The following DSG3 variants were observed in gnomAD, a reference collection of about 807,000 sequenced individuals.
The protein encoded by DSG3 is desmoglein 3, also known as desmoglein-3.
In DSG3, 63 loss-of-function variants were observed where a neutral mutation model predicts 85.9. That is an observed-to-expected ratio of 0.73 (90% CI 0.60 to 0.90). The LOEUF is 0.90. Among genes scored for constraint, DSG3 ranks in the 40% least tolerant of loss-of-function variants. The probability of loss-of-function intolerance (pLI) is 0.00; values close to 1 mark genes in which losing one functional copy is unlikely to be tolerated. For missense variants in DSG3, 1,220 were observed against 1,219.9 expected (o/e 1.00, Z 0.00); for synonymous variants, 447 against 441.9 (o/e 1.01, Z -0.14).
intron 8 of DSG3, 34 bp downstream of exon 8, chr18:31,461,446 A>AG: frequency 6.5e-7 from 1 of 1,537,408 alleles, no homozygotes; most frequent in Non-Finnish European, 8.9e-7. Context: ...GGTAAAAAAA[A>AG]TTCTGTATTA....
At chr18:31,450,781 T>C (rs1247323830) in intron 1 of DSG3, among the ~76,000 whole-genome samples, 1 of 152,198 alleles carries the variant, frequency 6.6e-6, no homozygotes, top group Non-Finnish European at 1.5e-5. Context: ...CAGCAATGCA[T>C]GCAAAACAAT....
chr18:31,458,947 T>C, intron 4 of DSG3, 86 bp from the exon 5 acceptor site: 2 of 1,472,190 alleles, frequency 1.4e-6, no homozygotes, highest in South Asian at 2.5e-5. Flanking sequence ...GTGATGTCCA[T>C]GCCAACAGAG....
chr18:31,457,609 T>C (rs1256308329), intron 3 of DSG3, among the ~76,000 whole-genome samples: 1 of 108,828 alleles, frequency 9.2e-6, no homozygotes, highest in Non-Finnish European at 1.9e-5. Context: ...TCTTTCTTTC[T>C]TTCTTTCTTT....
intron 11 of DSG3, 132 bp downstream of exon 11, chr18:31,466,886 G>A (rs1432730027): frequency 1.6e-5 from 11 of 696,272 alleles, no homozygotes; most frequent in East Asian, 2.7e-5. Context: ...AGATGTGGCT[G>A]TAGCATTGTG....
chr18:31,475,278 A>G (rs1043985877), intron 15 of DSG3, among the ~76,000 whole-genome samples: 2 of 152,152 alleles, frequency 1.3e-5, no homozygotes, highest in Non-Finnish European at 2.9e-5. Flanking sequence ...CTAGTATCCA[A>G]GCAGACAAAG....
In DSG3 at chr18:31,477,224, T is replaced by C. The variant is rs1046110404; in HGVS notation, c.*964T>C. 1.3e-5 allele frequency: 2 copies of C among 152,212 alleles called. No homozygotes were observed. The highest frequency in any genetic ancestry group is 2.9e-5 in the Non-Finnish European group (2 of 68,034). 9.4% of individuals were successfully genotyped at this position (152,212 alleles called of 1,614,324 possible). A position where few individuals can be genotyped will look rare whatever the true frequency, so the allele number is the denominator to read the frequency against. ...AAGAAAGTTTAGTATAAATAATATT[T>C]TGTGTGTTTTAATCCCTTTGAAGGG... On this transcript the variant is annotated 3_prime_UTR_variant, in exon 16 of 16. Coordinates refer to ENST00000257189, the MANE Select transcript of DSG3 (RefSeq NM_001944.3).
intron 11 of DSG3, among the ~76,000 whole-genome samples, chr18:31,468,367 C>T (rs1445355695): frequency 6.6e-6 from 1 of 152,132 alleles, no homozygotes; most frequent in African/African-American, 2.4e-5. Flanking sequence ...CACACAAGTC[C>T]AAGGATTGGT....
chr18:31,469,272 G>A lies in DSG3; in HGVS notation c.1820G>A (p.Arg607Lys), dbSNP rs1476717664. ...TACCCAACCACAAGCCCTGGGACCA[G>A]GTATGGCAGGCCGCACTCAGGGAGG... The part of the protein sequence containing the change: ...TSYPTTSPGT[R>K]YGRPHSGRLG... The change falls in exon 12 of 16, where the codon AGG becomes AAG. Residue 607 changes from arginine to lysine, a missense_variant. Transcript: ENST00000257189. 1.9e-6 allele frequency: 3 copies of A among 1,614,134 alleles called. No homozygotes were observed. The highest frequency in any genetic ancestry group is 2.7e-5 in the African/African-American group (2 of 75,046).
At chr18:31,466,133 A>G (rs1160496592) in intron 10 of DSG3, among the ~76,000 whole-genome samples, 2 of 152,188 alleles carry the variant, frequency 1.3e-5, no homozygotes, top group Non-Finnish European at 2.9e-5. Flanking sequence ...TAATAAAAAT[A>G]TACAATTTTT....
intron 14 of DSG3, among the ~76,000 whole-genome samples, chr18:31,473,206 A>G (rs1241479849): frequency 6.6e-6 from 1 of 152,204 alleles, no homozygotes; most frequent in Non-Finnish European, 1.5e-5. Flanking sequence ...TTAAAGTCTC[A>G]TGTGCACATC....
Position 31,472,729 on chromosome 18 carries a change from T to A in DSG3, c.2042T>A (p.Ile681Asn). ...IEGAHPEDKE[I>N]TNICVPPVTA... is the part of the protein sequence containing the mutation. ...TATTTTTCACATGGTTTGCAGGAAA[T>A]CACAAATATTTGTGTGCCTCCTGTA... The change falls in exon 14 of 16, where the codon ATC becomes AAC. Residue 681 changes from isoleucine (I) to asparagine (N), a missense_variant. Coordinates refer to ENST00000257189, the MANE Select transcript of DSG3 (RefSeq NM_001944.3). 1 of 1,613,900 alleles carries A rather than the reference T, an allele frequency of 6.2e-7. No homozygotes were observed. Among genetic ancestry groups the A allele is most frequent in the Non-Finnish European group, 8.5e-7 (1 of 1,179,862 alleles).
At chr18:31,469,498 A>ATTCTT in intron 12 of DSG3, 149 bp downstream of exon 12, 5 of 1,127,668 alleles carry the variant, frequency 4.4e-6, no homozygotes, top group Non-Finnish European at 6.1e-6. Flanking sequence ...TTCAGAAAGA[A>ATTCTT]TCTGAAATGT....
chr18:31,474,096 A>G (rs755248271), intron 14 of DSG3, 25 bp from the exon 15 acceptor site: 2 of 1,598,192 alleles, frequency 1.3e-6, no homozygotes, highest in Non-Finnish European at 1.7e-6. Context: ...ATAAGATATT[A>G]CAGAATGTTC....
intron 6 of DSG3, among the ~76,000 whole-genome samples, chr18:31,460,614 C>T (rs2072777770): frequency 6.6e-6 from 1 of 152,086 alleles, no homozygotes; most frequent in Admixed American, 6.5e-5. Context: ...CCCATTTTTG[C>T]TCTAAGGTTA....
At position 31,466,522 on chromosome 18, in the gene DSG3, T is replaced by G. The variant is rs988269651; in HGVS notation, c.1412-8T>G. ...CATTTCTTTAACTCTAAAACATTGT[T>G]CTTACAGAATACACGGGTAAAACTT... On this transcript the variant is annotated splice_region_variant and splice_polypyrimidine_tract_variant and intron_variant, in intron 10 of 15. Transcript: ENST00000257189. 10 of 1,612,090 alleles carry G rather than the reference T, an allele frequency of 6.2e-6. No homozygotes were observed. The highest frequency in any genetic ancestry group is 8.5e-6 in the Non-Finnish European group (10 of 1,178,142).
At chr18:31,453,579 T>C (rs2072724186) in intron 1 of DSG3, among the ~76,000 whole-genome samples, 1 of 152,202 alleles carries the variant, frequency 6.6e-6, no homozygotes, top group Non-Finnish European at 1.5e-5. Flanking sequence ...ATTGCTTTAT[T>C]TCATATATTT....
chr18:31,453,648 G>A (rs962087816), intron 1 of DSG3, among the ~76,000 whole-genome samples: 3 of 151,738 alleles, frequency 2.0e-5, no homozygotes, highest in African/African-American at 4.8e-5. Context: ...TCTATACCAA[G>A]GCACTAAGGC....
At position 31,461,303 on chromosome 18, in the gene DSG3, A is replaced by G. The variant is rs764552287; in HGVS notation, c.890A>G (p.Tyr297Cys). 1.9e-6 allele frequency: 3 copies of G among 1,613,600 alleles called. No homozygotes were observed. The highest frequency in any genetic ancestry group is 2.5e-6 in the Non-Finnish European group (3 of 1,179,644). Residue 297 changes from tyrosine (Y) to cysteine (C), a missense_variant, in exon 8 of 16, where the codon TAC (tyrosine) becomes TGC (cysteine). By Grantham distance (194) the Tyr-to-Cys change is radical. Coordinates refer to ENST00000257189, the MANE Select transcript of DSG3 (RefSeq NM_001944.3). ...CAAGTAACAGATTTGGATGAAGAGTACACAGATAATTGGCTTGCAGTATAT... is the reference window on the plus strand; with the variant it reads ...CAAGTAACAGATTTGGATGAAGAGTGCACAGATAATTGGCTTGCAGTATAT... ...RFQVTDLDEE[Y>C]TDNWLAVYFF...
At chr18:31,458,310 A>T in intron 3 of DSG3, 135 bp from the exon 4 acceptor site, 1 of 968,366 alleles carries the variant, frequency 1.0e-6, no homozygotes, top group Non-Finnish European at 1.5e-6. Context: ...GTATCTATCA[A>T]GGCAAAAAGT....
Sources: gnomAD v4.1 joint callset for allele counts (sites outside exome capture counted in the v4.1 genomes callset) on GRCh38, gnomAD v4.1.1 for gene constraint, MANE v1.5 for transcripts, NCBI Gene and HGNC (gene_info 2026-07-23, HGNC 2026-07-21) for gene names.